EPC1: variants seen among roughly 807,000 people sequenced by gnomAD.
EPC1 encodes the protein enhancer of polycomb 1.
In EPC1, 12 loss-of-function variants were observed where a neutral mutation model predicts 98.4. That is an observed-to-expected ratio of 0.12 (90% CI 0.08 to 0.20). EPC1 has a LOEUF of 0.20. EPC1 is among the 10% of genes least tolerant of loss of function. EPC1 has a pLI of 1.00. For synonymous variants in EPC1, 357 were observed against 363.9 expected, an observed-to-expected ratio of 0.98 and a Z score of 0.21; for missense variants, 729 against 990.5, an observed-to-expected ratio of 0.74 and a Z score of 3.54.
chr10:32,301,194 T>C (rs1835517707), intron 2 of EPC1, among the ~76,000 whole-genome samples: 2 of 152,122 alleles, frequency 1.3e-5, no homozygotes, highest in Non-Finnish European at 2.9e-5. Flanking sequence ...GCTTCGAGTA[T>C]TAAGCGGAGA....
At chr10:32,311,077 A>G (rs905797709) in intron 1 of EPC1, among the ~76,000 whole-genome samples, 3 of 152,110 alleles carry the variant, frequency 2.0e-5, no homozygotes, top group Non-Finnish European at 2.9e-5. Context: ...TTGGGAGGCC[A>G]AGGCGGGCGG....
At chr10:32,306,147 A>C (rs945730218) in intron 1 of EPC1, among the ~76,000 whole-genome samples, 1 of 152,254 alleles carries the variant, frequency 6.6e-6, no homozygotes, top group African/African-American at 2.4e-5. Flanking sequence ...TATTTCCTCA[A>C]TATAGCAAAA....
intron 1 of EPC1, among the ~76,000 whole-genome samples, chr10:32,333,756 A>G (rs1225268095): frequency 1.2e-5 from 1 of 80,818 alleles, no homozygotes; most frequent in Non-Finnish European, 2.9e-5. Context: ...TCAGTCAGAC[A>G]ATAAGGCTTT....
chr10:32,341,331 C>CTGTGTG (rs150858943), intron 1 of EPC1, among the ~76,000 whole-genome samples: 8,657 of 151,144 alleles, frequency 0.057, 764 homozygotes, highest in African/African-American at 0.19. Context: ...GTGTGTGTGT[C>CTGTGTG]TGTGTGTGTG....
Position 32,269,055 on chromosome 10 carries a change from G to C in EPC1, c.*8C>G. 6.2e-7 allele frequency: 1 copy of C among 1,612,804 alleles called. No individual in the cohort carries two copies. The highest frequency in any genetic ancestry group is 1.7e-4 in the Middle Eastern group (1 of 6,054). On this transcript the variant is annotated 3_prime_UTR_variant, in exon 14 of 14. Transcript: ENST00000319778. ...AAGTCCCCAGGCTGCAGTTCCACTCGGAGGAAGCTACGTCACCTCCATCGC... is the reference window on the plus strand; with the variant it reads ...AAGTCCCCAGGCTGCAGTTCCACTCCGAGGAAGCTACGTCACCTCCATCGC...
At chr10:32,361,651 T>C (rs750205698) in intron 1 of EPC1, among the ~76,000 whole-genome samples, 4 of 152,214 alleles carry the variant, frequency 2.6e-5, no homozygotes, top group Non-Finnish European at 5.9e-5. Flanking sequence ...CAAGTTCATC[T>C]ATGTGCTTCC....
At chr10:32,345,355 T>G (rs1175191261) in intron 1 of EPC1, 1 of 985,294 alleles carries the variant, frequency 1.0e-6, no homozygotes, top group African/African-American at 1.7e-5. Flanking sequence ...CTATTTCACT[T>G]TAAAAGGTTA....
chr10:32,279,125 C>A (rs1169512946), intron 10 of EPC1, among the ~76,000 whole-genome samples: 2 of 151,816 alleles, frequency 1.3e-5, no homozygotes, highest in South Asian at 2.1e-4. Context: ...CTGAGGCAGG[C>A]GGATCACAAG....
chr10:32,307,566 T>G (rs1210157049), intron 1 of EPC1, among the ~76,000 whole-genome samples: 1 of 152,230 alleles, frequency 6.6e-6, no homozygotes, highest in Non-Finnish European at 1.5e-5. Context: ...TTTTTGATTC[T>G]AAACCCTCAG....
chr10:32,365,444 C>CCAA (rs888496353), intron 1 of EPC1, among the ~76,000 whole-genome samples: 8 of 151,910 alleles, frequency 5.3e-5, no homozygotes, highest in Non-Finnish European at 5.9e-5. Flanking sequence ...GAGAAAAATA[C>CCAA]CAACAACAAC....
At chr10:32,370,495 C>T (rs958730881) in intron 1 of EPC1, among the ~76,000 whole-genome samples, 4 of 152,216 alleles carry the variant, frequency 2.6e-5, no homozygotes, top group Non-Finnish European at 4.4e-5. Flanking sequence ...TCCAGTCCAA[C>T]TAAACCAAAA....
chr10:32,349,366 A>T (rs1052694646), upstream of EPC1, among the ~76,000 whole-genome samples: 2 of 152,174 alleles, frequency 1.3e-5, no homozygotes, highest in African/African-American at 4.8e-5. Flanking sequence ...TTCTCTAGAG[A>T]GTCTAAAATC....
intron 6 of EPC1, among the ~76,000 whole-genome samples, chr10:32,290,833 G>C (rs1451658673): frequency 6.6e-6 from 1 of 151,368 alleles, no homozygotes; most frequent in Non-Finnish European, 1.5e-5. Context: ...GGAGTGCAAT[G>C]GTGTGATCTT....
chr10:32,314,077 C>T (rs1836413333), intron 1 of EPC1, among the ~76,000 whole-genome samples: 1 of 151,978 alleles, frequency 6.6e-6, no homozygotes, highest in African/African-American at 2.4e-5. Flanking sequence ...TCCAATTTTT[C>T]ATTGTACAGA....
intron 5 of EPC1, 179 bp from the exon 6 acceptor site, chr10:32,291,501 A>T (rs1834847726): frequency 2.0e-6 from 1 of 507,104 alleles, no homozygotes; most frequent in Non-Finnish European, 3.4e-6. Context: ...TACTCTTAGC[A>T]AATTTCAAGT....
rs574852407 is a variant in EPC1, at chr10:32,346,630, C to T, written c.153+133G>A. 65 of 936,360 alleles carry T rather than the reference C, an allele frequency of 6.9e-5. No homozygotes were observed. The East Asian group carries it at 1.4e-3, about 21-fold the overall frequency. The allele number at this position is 936,360 out of a possible 1,614,324, so 58.0% of individuals were successfully genotyped here. A position where few individuals can be genotyped will look rare whatever the true frequency, so the allele number is the denominator to read the frequency against. ...AGGCTGGGGGAGGCGGGGTATAGGC[C>T]CGGCCGGCGACTGAGAGTCGGCGGC... On this transcript the variant is annotated intron_variant, in intron 1 of 13. Transcript: ENST00000319778.
rs542835490 is a variant in EPC1, at chr10:32,363,309, G to A, written c.3+15182C>T. The stretch of plus-strand genomic sequence containing the variant: ...TTGCCCAGGCTGGTCTCGAACTCCC[G>A]TGCTCAAAGGATCTGCCTGCCTTGG... On this transcript the variant is annotated intron_variant, in intron 1 of 13. Coordinates refer to the EPC1 transcript ENST00000375110. Among the ~76,000 whole-genome samples, 558 of 152,246 alleles carry A rather than the reference G, an allele frequency of 3.7e-3. 4 individuals are homozygous for A. Among genetic ancestry groups the A allele is most frequent in the African/African-American group, 0.012 (502 of 41,532 alleles).
At chr10:32,323,073 T>G (rs1016727273) in intron 1 of EPC1, among the ~76,000 whole-genome samples, 1 of 152,028 alleles carries the variant, frequency 6.6e-6, no homozygotes, top group Non-Finnish European at 1.5e-5. Flanking sequence ...TTACACATTG[T>G]ATGCTTGTAT....
chr10:32,338,575 A>G (rs746358932), intron 1 of EPC1, among the ~76,000 whole-genome samples: 14 of 151,474 alleles, frequency 9.2e-5, no homozygotes, highest in Non-Finnish European at 2.1e-4. Context: ...CTAATCTACA[A>G]CCCCCTGCTC....
Sources: gnomAD v4.1 joint callset for allele counts (sites outside exome capture counted in the v4.1 genomes callset) on GRCh38, gnomAD v4.1.1 for gene constraint, MANE v1.5 for transcripts, NCBI Gene and HGNC (gene_info 2026-07-23, HGNC 2026-07-21) for gene names.